The following DOCK3 variants were observed in gnomAD, a reference collection of about 807,000 sequenced individuals.
DOCK3 encodes dedicator of cytokinesis protein 3.
DOCK3 carries 60 observed loss-of-function variants against 265.6 expected under a neutral mutation model. The ratio of observed to expected loss-of-function variants is 0.23; its 90% CI spans 0.18 to 0.28. The LOEUF (loss-of-function observed/expected upper bound fraction) is 0.28, where lower values mean the gene tolerates loss of function less well. DOCK3 is among the 10% of genes least tolerant of loss of function. The pLI is 1.00. For synonymous variants in DOCK3, 881 were observed against 938.0 expected (o/e 0.94, Z 1.11); for missense variants, 1,981 against 2,594.3 (o/e 0.76, Z 5.14).
intron 27 of DOCK3, among the ~76,000 whole-genome samples, chr3:51,307,366 C>T (rs144731008): frequency 3.1e-4 from 47 of 152,254 alleles, no homozygotes; most frequent in African/African-American, 1.1e-3. Flanking sequence ...ATCCTGTTGC[C>T]TCAGCCTCCC....
chr3:50,760,817 C>CT (rs2040482847), intron 1 of DOCK3, among the ~76,000 whole-genome samples: 2 of 148,902 alleles, frequency 1.3e-5, no homozygotes, highest in South Asian at 4.2e-4. Flanking sequence ...GAGTCTTGCT[C>CT]TGTCTCTCAG....
At chr3:50,963,865 G>A (rs1003568304) in intron 5 of DOCK3, among the ~76,000 whole-genome samples, 4 of 152,152 alleles carry the variant, frequency 2.6e-5, no homozygotes, top group African/African-American at 9.7e-5. Flanking sequence ...GTTAGAGTTG[G>A]CCGGACACAG....
intron 21 of DOCK3, among the ~76,000 whole-genome samples, chr3:51,244,836 A>G (rs1366150779): frequency 6.6e-6 from 1 of 152,208 alleles, no homozygotes; most frequent in Non-Finnish European, 1.5e-5. Context: ...ATTTCAGACT[A>G]TAGTTTGTTA....
chr3:50,693,530 CT>C (rs35261130), intron 1 of DOCK3, among the ~76,000 whole-genome samples: 43,256 of 63,962 alleles, frequency 0.68, 14,144 homozygotes, highest in South Asian at 0.82. Flanking sequence ...ATTTCCTTTC[CT>C]TTTTTTTTTT....
At chr3:51,015,562 T>A (rs1157213110) in intron 5 of DOCK3, among the ~76,000 whole-genome samples, 1 of 150,664 alleles carries the variant, frequency 6.6e-6, no homozygotes, top group Admixed American at 6.7e-5. Context: ...GTGTCAATAT[T>A]TATCAGATAT....
chr3:51,193,365 A>C (rs1309539362), intron 12 of DOCK3, among the ~76,000 whole-genome samples: 1 of 152,038 alleles, frequency 6.6e-6, no homozygotes, highest in African/African-American at 2.4e-5. Flanking sequence ...AGGGATATTG[A>C]CATATAGTTT....
chr3:50,995,973 T>C (rs1327638379), intron 5 of DOCK3, among the ~76,000 whole-genome samples: 4 of 152,076 alleles, frequency 2.6e-5, no homozygotes, highest in South Asian at 2.1e-4. Flanking sequence ...CTCGGCTCAC[T>C]GCAGCCTCCA....
At chr3:51,300,591 T>C (rs2082318353) in intron 27 of DOCK3, among the ~76,000 whole-genome samples, 1 of 152,220 alleles carries the variant, frequency 6.6e-6, no homozygotes, top group East Asian at 1.9e-4. Context: ...ACCTAGTTTA[T>C]TGAGAGTTTT....
chr3:51,250,708 A>G (rs2079170849), intron 22 of DOCK3, among the ~76,000 whole-genome samples: 1 of 152,222 alleles, frequency 6.6e-6, no homozygotes, highest in African/African-American at 2.4e-5. Flanking sequence ...AGGAGGGTTT[A>G]CTTCAGATCA....
At chr3:51,022,005 A>G (rs1374315623) in intron 5 of DOCK3, among the ~76,000 whole-genome samples, 1 of 152,192 alleles carries the variant, frequency 6.6e-6, no homozygotes, top group Non-Finnish European at 1.5e-5. Context: ...TAATCAGTGA[A>G]TGTGATCCAT....
chr3:50,907,110 G>T (rs529501038), intron 4 of DOCK3, among the ~76,000 whole-genome samples: 1 of 152,178 alleles, frequency 6.6e-6, no homozygotes, highest in South Asian at 2.1e-4. Flanking sequence ...ATTGCACTGT[G>T]GTCTGAGAGA....
intron 1 of DOCK3, among the ~76,000 whole-genome samples, chr3:50,732,047 A>G (rs2038247319): frequency 6.6e-6 from 1 of 152,136 alleles, no homozygotes; most frequent in Admixed American, 6.5e-5. Context: ...TTAAAAAAAA[A>G]AAAACAATGT....
Position 51,361,836 on chromosome 3 carries a change from C to A in DOCK3, c.5007-23C>A. 1.2e-6 allele frequency: 2 copies of A among 1,609,000 alleles called. No homozygotes were observed. Among genetic ancestry groups the A allele is most frequent in the South Asian group, 2.2e-5 (2 of 90,026 alleles). ...CACCTGCCATGGGCCTGACTCCTCCCTATTTCCCACTCTTGCTCACAGCCC... is the reference window on the plus strand; with the variant it reads ...CACCTGCCATGGGCCTGACTCCTCCATATTTCCCACTCTTGCTCACAGCCC... On this transcript the variant is annotated intron_variant, in intron 47 of 52. Transcript: ENST00000266037. The surrounding 1 kb of genome is among the most constrained non-coding windows in gnomAD (Gnocchi z 4.2).
intron 44 of DOCK3, 57 bp from the exon 45 acceptor site, chr3:51,357,701 C>T: frequency 6.3e-7 from 1 of 1,582,480 alleles, no homozygotes; most frequent in South Asian, 1.1e-5. Flanking sequence ...TCTCCTGGGC[C>T]CCACTTAAGT....
At chr3:51,182,079 T>C (rs2087331177) in intron 12 of DOCK3, among the ~76,000 whole-genome samples, 1 of 152,052 alleles carries the variant, frequency 6.6e-6, no homozygotes, top group Admixed American at 6.6e-5. Flanking sequence ...GGGATAAGGG[T>C]GGATTTGCTT....
intron 1 of DOCK3, among the ~76,000 whole-genome samples, chr3:50,698,758 G>A (rs2035837077): frequency 6.6e-6 from 1 of 151,648 alleles, no homozygotes; most frequent in Non-Finnish European, 1.5e-5. Flanking sequence ...GCATTTCCCT[G>A]ATGGCTGATG....
chr3:51,056,736 T>C (rs1228693962), intron 5 of DOCK3, among the ~76,000 whole-genome samples: 1 of 152,162 alleles, frequency 6.6e-6, no homozygotes, highest in Admixed American at 6.5e-5. Flanking sequence ...GAGTTTTGAA[T>C]AAACTCAAGT....
At chr3:51,127,670 C>G (rs1256786949) in intron 9 of DOCK3, among the ~76,000 whole-genome samples, 1 of 152,160 alleles carries the variant, frequency 6.6e-6, no homozygotes, top group Non-Finnish European at 1.5e-5. Flanking sequence ...AATTACAGTC[C>G]TCGTTTCTGC....
chr3:51,069,128 G>A (rs1167638031), intron 6 of DOCK3, among the ~76,000 whole-genome samples: 2 of 152,082 alleles, frequency 1.3e-5, no homozygotes, highest in Non-Finnish European at 2.9e-5. Context: ...TACTCCATAA[G>A]TAAAAATTAT....
Sources: allele counts gnomAD v4.1 joint callset (sites outside exome capture counted in the v4.1 genomes callset), GRCh38; gene constraint gnomAD v4.1.1; non-coding constraint Gnocchi (gnomAD v3.1); transcripts MANE v1.5; gene names NCBI Gene and HGNC (gene_info 2026-07-23, HGNC 2026-07-21).